The following SLC39A7 variants were observed in gnomAD, a reference collection of about 807,000 sequenced individuals.
SLC39A7 encodes solute carrier family 39 member 7, also known as zinc transporter SLC39A7.
SLC39A7 carries 25 observed loss-of-function variants against 39.7 expected under a neutral mutation model. The observed-to-expected ratio is 0.63, with a 90% CI of 0.46 to 0.88. SLC39A7 has a LOEUF of 0.88. Ranked by LOEUF, SLC39A7 falls within the 40% of genes least tolerant of loss-of-function variation. The pLI, the probability that SLC39A7 is intolerant of heterozygous loss-of-function variation, is 0.00. For synonymous variants in SLC39A7, 181 were observed against 234.1 expected (o/e 0.77, Z 2.07); for missense variants, 501 against 592.1 (o/e 0.85, Z 1.60).
Position 33,201,437 on chromosome 6 carries a change from T to C in SLC39A7, c.192T>C (p.His64=), listed in dbSNP as rs1216391613. ...FHHGHSHAHG[H]GHTHESIWHG... Reference sequence around the variant, plus strand: ...ATGGCCACAGCCATGCCCATGGCCATGGCCACACTCACGAGAGCATCTGGC... The same window carrying C: ...ATGGCCACAGCCATGCCCATGGCCACGGCCACACTCACGAGAGCATCTGGC... Residue 64 remains histidine, a synonymous_variant, in exon 1 of 7, where the codon CAT becomes CAC. Transcript: ENST00000374677. The surrounding 1 kb of genome is among the most constrained non-coding windows in gnomAD (Gnocchi z 5.9). 2 of 1,613,842 alleles carry C rather than the reference T, an allele frequency of 1.2e-6. No homozygotes were observed. Among genetic ancestry groups the C allele is most frequent in the East Asian group, 2.2e-5 (1 of 44,882 alleles).
At position 33,203,074 on chromosome 6, in the gene SLC39A7, A is replaced by G. The variant is rs1774737676; in HGVS notation, c.1105A>G (p.Ile369Val). 1.9e-6 allele frequency: 3 copies of G among 1,604,164 alleles called. No homozygotes were observed. The highest frequency in any genetic ancestry group is 1.7e-6 in the Non-Finnish European group (2 of 1,175,800). The change falls in exon 6 of 7, where the codon ATC (isoleucine) becomes GTC (valine). Residue 369 changes from isoleucine (I) to valine (V), a missense_variant. By Grantham distance (29) the Ile-to-Val change is conservative. Transcript: ENST00000374677. Reference protein sequence around the residue: ...EVPHEVGDFAILVQSGCSKKQ... With the variant: ...EVPHEVGDFAVLVQSGCSKKQ... ...GCCCCACGAGGTCGGAGACTTTGCC[A>G]TCTTGGTCCAGTCTGGCTGCAGCAA...
In SLC39A7 at chr6:33,202,562, C is replaced by T. The variant is rs943235103; in HGVS notation, c.802C>T (p.Arg268Cys). Reference protein sequence around the residue: ...RGSHGHGRQERSTKEKQSSEE... With the variant: ...RGSHGHGRQECSTKEKQSSEE... Reference sequence around the variant, plus strand: ...GACCAACTCTTTTCTTCCCTCAGAGCGTTCTACCAAGGAGAAGCAGAGCTC... The same window carrying T: ...GACCAACTCTTTTCTTCCCTCAGAGTGTTCTACCAAGGAGAAGCAGAGCTC... The change falls in exon 5 of 7, where the codon CGT becomes TGT. Residue 268 changes from arginine (R) to cysteine (C), a missense_variant and splice_region_variant. Physicochemically the swap from Arg to Cys is radical, Grantham distance 180. Transcript: ENST00000374677. 1.6e-5 allele frequency: 26 copies of T among 1,601,114 alleles called. No individual in the cohort carries two copies. Among genetic ancestry groups the T allele is most frequent in the Non-Finnish European group, 2.0e-5 (23 of 1,176,160 alleles).
At position 33,201,367 on chromosome 6, in the gene SLC39A7, A is replaced by C. The variant is rs1774535263; in HGVS notation, c.122A>C (p.Asp41Ala). The change falls in exon 1 of 7, where the codon GAC becomes GCC. Residue 41 changes from aspartate (D) to alanine (A), a missense_variant. Physicochemically the swap from Asp to Ala is moderately radical, Grantham distance 126. Transcript: ENST00000374677. The surrounding 1 kb of genome is among the most constrained non-coding windows in gnomAD (Gnocchi z 5.9). ...HDDLHDDLQE[D>A]FHGHSHRHSH... ...GACCTGCACGACGATCTGCAAGAGG[A>C]CTTCCATGGCCACAGCCACAGGCAC... 6.2e-7 allele frequency: 1 copy of C among 1,613,974 alleles called. No individual in the cohort carries two copies. Among genetic ancestry groups the C allele is most frequent in the African/African-American group, 1.3e-5 (1 of 74,962 alleles).
rs929589795 is a variant in SLC39A7 at position 33,201,486 on chromosome 6, C to G, written c.241C>G (p.His81Asp). The G allele has an allele frequency of 2.5e-6, 4 of 1,614,064 alleles. No individual in the cohort carries two copies. Among genetic ancestry groups the G allele is most frequent in the African/African-American group, 1.3e-5 (1 of 74,906 alleles). The change falls in exon 1 of 7, where the codon CAT (histidine) becomes GAT (aspartate). Residue 81 changes from histidine (H) to aspartate (D), a missense_variant. By Grantham distance (81) the His-to-Asp change is moderately conservative. Coordinates refer to ENST00000374677, the MANE Select transcript of SLC39A7 (RefSeq NM_006979.3). This position sits in a 1 kb window ranked among gnomAD's most constrained non-coding sequence, Gnocchi z 5.9. The part of the protein sequence containing the change: ...IWHGHTHDHD[H>D]GHSHEDLHHG... ...GCATGGACATACCCACGATCACGACCATGGACATTCACATGAGGATTTACA... is the reference window on the plus strand; with the variant it reads ...GCATGGACATACCCACGATCACGACGATGGACATTCACATGAGGATTTACA...
intron 6 of SLC39A7, 49 bp from the exon 7 acceptor site, chr6:33,203,492 A>G (rs750393735): frequency 1.6e-5 from 25 of 1,606,342 alleles, no homozygotes; most frequent in Non-Finnish European, 2.0e-5. Flanking sequence ...TAAACCACTG[A>G]TAATCTTTAG....
chr6:33,202,345 T>A lies in SLC39A7; in HGVS notation c.717T>A (p.His239Gln). 6.2e-7 allele frequency: 1 copy of A among 1,612,904 alleles called. No homozygotes were observed. The highest frequency in any genetic ancestry group is 1.1e-5 in the South Asian group (1 of 91,064). The stretch of plus-strand genomic sequence containing the variant: ...TTGTCGTGGAGAAATTTGTGAGACA[T>A]GTGAAAGGAGGACATGGTCACAGTC... ...AFLVVEKFVRHVKGGHGHSHG... is the reference protein window; with the variant it reads ...AFLVVEKFVRQVKGGHGHSHG... Residue 239 changes from histidine to glutamine, a missense_variant, in exon 4 of 7, where the codon CAT becomes CAA. By Grantham distance (24) the His-to-Gln change is conservative (BLOSUM62 0). Coordinates refer to ENST00000374677, the MANE Select transcript of SLC39A7 (RefSeq NM_006979.3).
chr6:33,203,505 A>G (rs1297933266), intron 6 of SLC39A7, 36 bp from the exon 7 acceptor site: 3 of 1,611,698 alleles, frequency 1.9e-6, no homozygotes, highest in Non-Finnish European at 2.5e-6. Flanking sequence ...ATCTTTAGCT[A>G]TTGGTGAGTG....
chr6:33,202,537 G>C (rs1583435870), intron 4 of SLC39A7, 23 bp from the exon 5 acceptor site: 1 of 1,593,764 alleles, frequency 6.3e-7, no homozygotes, highest in Non-Finnish European at 8.5e-7. Context: ...TCTCCACTCT[G>C]ACCAACTCTT....
At position 33,201,286 on chromosome 6, in the gene SLC39A7, G is replaced by T; in HGVS notation, c.41G>T (p.Gly14Val). The T allele has an allele frequency of 6.2e-7, 1 of 1,614,016 alleles. No individual in the cohort carries two copies. The highest frequency in any genetic ancestry group is 1.1e-5 in the South Asian group (1 of 91,078). ...GGGGCCCCCCACTGGGTGGCCGTGGGACTGCTGACCTGGGCGACCTTGGGG... is the reference window on the plus strand; with the variant it reads ...GGGGCCCCCCACTGGGTGGCCGTGGTACTGCTGACCTGGGCGACCTTGGGG... Reference protein sequence around the residue: ...GLGAPHWVAVGLLTWATLGLL... With the variant: ...GLGAPHWVAVVLLTWATLGLL... The change falls in exon 1 of 7, where the codon GGA becomes GTA. Residue 14 changes from glycine (G) to valine (V), a missense_variant. Coordinates refer to ENST00000374677, the MANE Select transcript of SLC39A7 (RefSeq NM_006979.3). This position sits in a 1 kb window ranked among gnomAD's most constrained non-coding sequence, Gnocchi z 5.9.
Position 33,201,947 on chromosome 6 carries a change from C to T in SLC39A7, c.580+34C>T, listed in dbSNP as rs779626231. On this transcript the variant is annotated intron_variant, in intron 2 of 6. Transcript: ENST00000374677. The surrounding 1 kb of genome is among the most constrained non-coding windows in gnomAD (Gnocchi z 5.9). ...CCTCTGACTTCTACCTCAAATCTAA[C>T]CTATTTCGTTCTTTGGAGGAAAAGG... 3 of 1,609,600 alleles carry T rather than the reference C, an allele frequency of 1.9e-6. No individual in the cohort carries two copies. The highest frequency in any genetic ancestry group is 2.2e-5 in the South Asian group (2 of 91,012).
chr6:33,202,297 T>G lies in SLC39A7; in HGVS notation c.669T>G (p.Val223=), dbSNP rs770940742. ...QGPILSVGLW[V]LSGIVAFLVV... ...CCATTCTGTCTGTGGGACTGTGGGT[T>G]CTCAGTGGAATTGTTGCCTTTCTTG... Residue 223 remains valine, a synonymous_variant, in exon 4 of 7, where the codon GTT becomes GTG. Transcript: ENST00000374677. 6.2e-7 allele frequency: 1 copy of G among 1,612,918 alleles called. No homozygotes were observed. The highest frequency in any genetic ancestry group is 1.3e-5 in the African/African-American group (1 of 74,900).
In SLC39A7 at chr6:33,203,058, G is replaced by A. The variant is rs1392430625; in HGVS notation, c.1089G>A (p.Glu363=). ...TCCTGCTACATGAAGTGCCCCACGA[G>A]GTCGGAGACTTTGCCATCTTGGTCC... ...MTVLLHEVPH[E]VGDFAILVQS... The change falls in exon 6 of 7, where the codon GAG becomes GAA. Residue 363 remains glutamate, a synonymous_variant. Transcript: ENST00000374677. The A allele has an allele frequency of 1.2e-6, 2 of 1,607,468 alleles. No homozygotes were observed. The highest frequency in any genetic ancestry group is 3.4e-5 in the Admixed American group (2 of 58,148).
chr6:33,202,241 G>T (rs756725911), intron 3 of SLC39A7, 22 bp from the exon 4 acceptor site: 3 of 1,607,234 alleles, frequency 1.9e-6, no homozygotes, highest in Non-Finnish European at 2.6e-6. Context: ...CTCCCTTAAT[G>T]TCTCAATGCC....
At position 33,201,230 on chromosome 6, in the gene SLC39A7, C is replaced by A; in HGVS notation, c.-16C>A. ...AGTCAAGTGGAGTCACTGCCTCTGT[C>A]CCTCTGGTCAGCGTGATGGCCAGAG... is the stretch of plus-strand genomic sequence containing the variant. On this transcript the variant is annotated 5_prime_UTR_variant, in exon 1 of 7. Transcript: ENST00000374677. The surrounding 1 kb of genome is among the most constrained non-coding windows in gnomAD (Gnocchi z 5.9). 6.3e-7 allele frequency: 1 copy of A among 1,598,438 alleles called. No homozygotes were observed. Among genetic ancestry groups the A allele is most frequent in the Non-Finnish European group, 8.5e-7 (1 of 1,174,140 alleles).
In SLC39A7 at chr6:33,204,395, A is replaced by C; in HGVS notation, c.*582A>C. On this transcript the variant is annotated 3_prime_UTR_variant, in exon 7 of 7. Coordinates refer to ENST00000374677, the MANE Select transcript of SLC39A7 (RefSeq NM_006979.3). ...TATCACTGTGTTTGAATCGAGGGGG[A>C]GGGGTGGTAACCGGAAATAAAGACC... 1 of 587,218 alleles carries C rather than the reference A, an allele frequency of 1.7e-6. No homozygotes were observed. Among genetic ancestry groups the C allele is most frequent in the South Asian group, 2.0e-5 (1 of 50,082 alleles). The allele number at this position is 587,218 out of a possible 1,614,324, so 36.4% of individuals were successfully genotyped here.
rs1490797894 is a variant in SLC39A7, at chr6:33,201,423, C to T, written c.178C>T (p.His60Tyr). 1.2e-6 allele frequency: 2 copies of T among 1,613,786 alleles called. No homozygotes were observed. Among genetic ancestry groups the T allele is most frequent in the Non-Finnish European group, 1.7e-6 (2 of 1,179,882 alleles). The change falls in exon 1 of 7, where the codon CAT (histidine) becomes TAT (tyrosine). Residue 60 changes from histidine (H) to tyrosine (Y), a missense_variant. His to Tyr is a moderately conservative substitution (Grantham distance 83, BLOSUM62 2). Transcript: ENST00000374677. This position sits in a 1 kb window ranked among gnomAD's most constrained non-coding sequence, Gnocchi z 5.9. ...TGAAGATTTCCACCATGGCCACAGC[C>T]ATGCCCATGGCCATGGCCACACTCA... is the stretch of plus-strand genomic sequence containing the variant. ...SHEDFHHGHS[H>Y]AHGHGHTHES...
In SLC39A7 at chr6:33,201,901, C is replaced by T; in HGVS notation, c.568C>T (p.Pro190Ser). Residue 190 changes from proline (P) to serine (S), a missense_variant, in exon 2 of 7, where the codon CCT becomes TCT. By Grantham distance (74) the Pro-to-Ser change is moderately conservative. Transcript: ENST00000374677. This position sits in a 1 kb window ranked among gnomAD's most constrained non-coding sequence, Gnocchi z 5.9. ...GGGAGATGCTTTCCTGCACCTCATT[C>T]CTCATGCTCTTGGTAAGTAACCTCT... ...LLGDAFLHLIPHALEPHSHHT... is the reference protein window; with the variant it reads ...LLGDAFLHLISHALEPHSHHT... 6.2e-7 allele frequency: 1 copy of T among 1,612,830 alleles called. No individual in the cohort carries two copies. The highest frequency in any genetic ancestry group is 2.2e-5 in the East Asian group (1 of 44,888).
intron 3 of SLC39A7, 59 bp from the exon 4 acceptor site, chr6:33,202,204 T>G: frequency 6.3e-7 from 1 of 1,589,836 alleles, no homozygotes; most frequent in Non-Finnish European, 8.6e-7. Flanking sequence ...CTCCCGCACT[T>G]GAGGAGGAGG....
rs765001728 is a variant in SLC39A7 at position 33,202,695 on chromosome 6, G to C, written c.935G>C (p.Gly312Ala). 1 of 1,590,908 alleles carries C rather than the reference G, an allele frequency of 6.3e-7. No homozygotes were observed. The highest frequency in any genetic ancestry group is 8.5e-7 in the Non-Finnish European group (1 of 1,173,828). ...RPQNAEEEKRGLDLRVSGYLN... is the reference protein window; with the variant it reads ...RPQNAEEEKRALDLRVSGYLN... Reference sequence around the variant, plus strand: ...CAGAACGCTGAAGAAGAAAAAAGAGGCTTAGGTAAGGGCCAGAGTTGGTGA... The same window carrying C: ...CAGAACGCTGAAGAAGAAAAAAGAGCCTTAGGTAAGGGCCAGAGTTGGTGA... Residue 312 changes from glycine (G) to alanine (A), a missense_variant, in exon 5 of 7, where the codon GGC (glycine) becomes GCC (alanine). Physicochemically the swap from Gly to Ala is moderately conservative, Grantham distance 60. Coordinates refer to ENST00000374677, the MANE Select transcript of SLC39A7 (RefSeq NM_006979.3).
Sources: gnomAD v4.1 joint callset for allele counts on GRCh38, gnomAD v4.1.1 for gene constraint, Gnocchi (gnomAD v3.1) non-coding constraint, MANE v1.5 for transcripts, NCBI Gene and HGNC (gene_info 2026-07-23, HGNC 2026-07-21) for gene names.